The following CARMIL1 variants were observed in gnomAD, a reference collection of about 807,000 sequenced individuals.
The protein encoded by CARMIL1 is F-actin-uncapping protein LRRC16A.
Under a neutral mutation model 177.1 loss-of-function variants are expected in CARMIL1, and 90 were observed. That is an observed-to-expected ratio of 0.51 (90% CI 0.43 to 0.61). CARMIL1 has a LOEUF of 0.61. Ranked by LOEUF, CARMIL1 falls within the 20% of genes least tolerant of loss-of-function variation. The pLI, the probability that CARMIL1 is intolerant of heterozygous loss-of-function variation, is 0.00. For missense variants in CARMIL1, 1,380 were observed against 1,667.0 expected, an observed-to-expected ratio of 0.83 and a Z score of 3.00; for synonymous variants, 577 against 606.2, an observed-to-expected ratio of 0.95 and a Z score of 0.71.
In CARMIL1 at chr6:25,302,181, A is replaced by G. The variant is rs138949527; in HGVS notation, c.138+17272A>G. Among the ~76,000 whole-genome samples the G allele has an allele frequency of 1.1e-4, 17 of 152,302 alleles. No individual in the cohort carries two copies. The East Asian group carries it at 3.3e-3, about 29-fold the overall frequency. ...TGGTCAGTGCCTCCCTTATCCTGCT[A>G]GTCACCTCTTCCTCCTGTCTTTCCT... On this transcript the variant is annotated intron_variant, in intron 2 of 36. Transcript: ENST00000329474.
intron 2 of CARMIL1, among the ~76,000 whole-genome samples, chr6:25,288,714 A>G (rs1038190478): frequency 6.6e-6 from 1 of 152,140 alleles, no homozygotes; most frequent in African/African-American, 2.4e-5. Context: ...TGCTGCCTCC[A>G]TTGACAGGTT....
chr6:25,594,317 C>A, intron 31 of CARMIL1, 98 bp from the exon 32 acceptor site: 1 of 695,866 alleles, frequency 1.4e-6, no homozygotes, highest in South Asian at 2.0e-5. Context: ...GAGCCTTGTC[C>A]CTCCCATAGC....
At chr6:25,352,338 G>A (rs576440865) in intron 2 of CARMIL1, among the ~76,000 whole-genome samples, 63 of 149,058 alleles carry the variant, frequency 4.2e-4, no homozygotes, top group African/African-American at 1.4e-3. Flanking sequence ...TTTTTTTGAG[G>A]TGAGGCTAAA....
chr6:25,443,709 A>G lies in CARMIL1; in HGVS notation c.372-6189A>G, dbSNP rs1049488133. ...GTCACCTGAGCCTTCAGTGAATTGT[A>G]ATGTTTTTGCTGGAGAAGGTTTTGC... On this transcript the variant is annotated intron_variant, in intron 5 of 36. Coordinates refer to ENST00000329474, the MANE Select transcript of CARMIL1 (RefSeq NM_017640.6). Among the ~76,000 whole-genome samples, 6 of 152,326 alleles carry G rather than the reference A, an allele frequency of 3.9e-5. No individual in the cohort carries two copies. The East Asian group carries it at 1.2e-3, about 29-fold the overall frequency.
chr6:25,570,299 GAT>G (rs1562295799), intron 29 of CARMIL1, among the ~76,000 whole-genome samples: 1 of 152,176 alleles, frequency 6.6e-6, no homozygotes, highest in Non-Finnish European at 1.5e-5. Flanking sequence ...ATGCTACAGG[GAT>G]ATATACCTGA....
intron 2 of CARMIL1, among the ~76,000 whole-genome samples, chr6:25,417,181 G>T (rs1795429795): frequency 6.6e-6 from 1 of 152,164 alleles, no homozygotes; most frequent in Non-Finnish European, 1.5e-5. Flanking sequence ...CAGAGAAGGT[G>T]AATATTTCAT....
intron 2 of CARMIL1, among the ~76,000 whole-genome samples, chr6:25,324,771 A>T (rs994488623): frequency 1.3e-5 from 2 of 151,984 alleles, no homozygotes; most frequent in Non-Finnish European, 2.9e-5. Context: ...GCTGTTGGAG[A>T]TAATATGTCA....
chr6:25,594,374 A>G, intron 31 of CARMIL1, 41 bp from the exon 32 acceptor site: 1 of 1,257,578 alleles, frequency 8.0e-7, no homozygotes, highest in Non-Finnish European at 1.2e-6. Flanking sequence ...TTGCTAAATC[A>G]AGGTGCATGT....
intron 2 of CARMIL1, among the ~76,000 whole-genome samples, chr6:25,314,362 A>G (rs189313232): frequency 0.011 from 1,611 of 149,146 alleles, 37 homozygotes; most frequent in African/African-American, 0.038. Flanking sequence ...AGTCCCAGCT[A>G]CTTGGGAGGC....
At chr6:25,501,992 T>A (rs1208524130) in intron 17 of CARMIL1, among the ~76,000 whole-genome samples, 7 of 97,260 alleles carry the variant, frequency 7.2e-5, no homozygotes, top group African/African-American at 1.2e-4. Context: ...AGACATATTG[T>A]AAAAAAAAAA....
At chr6:25,311,490 T>C (rs1783814010) in intron 2 of CARMIL1, among the ~76,000 whole-genome samples, 1 of 152,088 alleles carries the variant, frequency 6.6e-6, no homozygotes, top group Non-Finnish European at 1.5e-5. Flanking sequence ...CCAGAAAAGT[T>C]CAGGATTTGG....
chr6:25,570,951 T>A lies in CARMIL1; in HGVS notation c.2743-9973T>A, dbSNP rs375540080. Among the ~76,000 whole-genome samples, 15 of 152,314 alleles carry A rather than the reference T, an allele frequency of 9.8e-5. No individual in the cohort carries two copies. In the South Asian group the frequency reaches 3.1e-3, roughly 32 times the overall value. On this transcript the variant is annotated intron_variant, in intron 29 of 36. Transcript: ENST00000329474. ...TGTCCAACAATTGTCTTAGAAAGAA[T>A]TAGGTATCTCTTTTTCTTAGTGAGA...
intron 35 of CARMIL1, among the ~76,000 whole-genome samples, chr6:25,606,987 C>G (rs116727094): frequency 2.0e-4 from 31 of 152,124 alleles, no homozygotes; most frequent in Admixed American, 3.3e-4. Flanking sequence ...CTTATTCTCT[C>G]CTGCACAAAA....
At chr6:25,391,231 G>T (rs1792786934) in intron 2 of CARMIL1, among the ~76,000 whole-genome samples, 1 of 152,098 alleles carries the variant, frequency 6.6e-6, no homozygotes, top group Admixed American at 6.5e-5. Context: ...ATTATAATAG[G>T]GTAGCTGGCT....
rs112016482 is a variant in CARMIL1, at chr6:25,317,337, A to G, written c.138+32428A>G. On this transcript the variant is annotated intron_variant, in intron 2 of 36. Coordinates refer to ENST00000329474, the MANE Select transcript of CARMIL1 (RefSeq NM_017640.6). ...TATTTTTTAAAGATGAGGTCTCCCTATGTTGCCCAGTCTTGAACTCCTGGG... is the reference window on the plus strand; with the variant it reads ...TATTTTTTAAAGATGAGGTCTCCCTGTGTTGCCCAGTCTTGAACTCCTGGG... 5.6e-3 allele frequency among the ~76,000 whole-genome samples: 858 copies of G among 152,060 alleles called. 9 individuals carry two copies. The highest frequency in any genetic ancestry group is 0.019 in the African/African-American group (798 of 41,482).
chr6:25,480,403 G>A (rs1350163474), intron 11 of CARMIL1, among the ~76,000 whole-genome samples: 4 of 151,772 alleles, frequency 2.6e-5, no homozygotes, highest in Admixed American at 2.0e-4. Context: ...CTTAATTAAT[G>A]AAATATTCCA....
At chr6:25,454,821 A>G (rs1248509620) in intron 8 of CARMIL1, among the ~76,000 whole-genome samples, 1 of 152,224 alleles carries the variant, frequency 6.6e-6, no homozygotes, top group African/African-American at 2.4e-5. Flanking sequence ...CTAATTCATG[A>G]AAGTATCAGT....
intron 2 of CARMIL1, among the ~76,000 whole-genome samples, chr6:25,307,954 A>G (rs1428587596): frequency 6.6e-6 from 1 of 152,244 alleles, no homozygotes; most frequent in African/African-American, 2.4e-5. Context: ...ATAGCAAGCA[A>G]GTGTTGTTAC....
chr6:25,340,767 GTCAATGAAGGTTTTTTTTTTTTT>G (rs1163263077), intron 2 of CARMIL1, among the ~76,000 whole-genome samples: 1 of 123,552 alleles, frequency 8.1e-6, no homozygotes, highest in Non-Finnish European at 1.6e-5. Context: ...GGAGAAGGCT[GTCAATGAAGGTTTTTTTTTTTTT>G]TTTTTTTTTT....
Sources: gnomAD v4.1 joint callset for allele counts (sites outside exome capture counted in the v4.1 genomes callset) on GRCh38, gnomAD v4.1.1 for gene constraint, MANE v1.5 for transcripts, NCBI Gene and HGNC (gene_info 2026-07-23, HGNC 2026-07-21) for gene names.